The following FAM13C variants were observed in gnomAD, a reference collection of about 807,000 sequenced individuals.
The protein encoded by FAM13C is protein FAM13C.
A neutral mutation model predicts 73.2 loss-of-function variants in FAM13C; 37 were observed. The observed-to-expected ratio is 0.51, with a 90% CI of 0.39 to 0.67. FAM13C has a LOEUF of 0.67. Among genes scored for constraint, FAM13C ranks in the 30% least tolerant of loss-of-function variants. The pLI is 0.00. For synonymous variants in FAM13C, 246 were observed against 260.9 expected (o/e 0.94, Z 0.55); for missense variants, 589 against 715.6 (o/e 0.82, Z 2.02).
intron 10 of FAM13C, among the ~76,000 whole-genome samples, chr10:59,259,599 T>A (rs182969036): frequency 5.9e-5 from 9 of 152,300 alleles, no homozygotes; most frequent in Admixed American, 2.0e-4. Context: ...GCTTTATGTA[T>A]TTACATTTTC....
intron 3 of FAM13C, among the ~76,000 whole-genome samples, chr10:59,351,331 C>CAAAAAAAAAAAA (rs10666673): frequency 7.4e-6 from 1 of 134,302 alleles, no homozygotes; most frequent in Non-Finnish European, 1.6e-5. Flanking sequence ...GACCCTGTCT[C>CAAAAAAAAAAAA]AAAAAAAAAA....
chr10:59,307,558 G>A (rs960397026), intron 4 of FAM13C, among the ~76,000 whole-genome samples: 4 of 152,140 alleles, frequency 2.6e-5, no homozygotes, highest in Non-Finnish European at 5.9e-5. Context: ...CATCCATTCA[G>A]TCAACAAATA....
chr10:59,360,567 A>G lies in FAM13C; in HGVS notation c.62+1832T>C, dbSNP rs570932408. Reference sequence around the variant, plus strand: ...CCCAGAGAAGCACGGGATATGGGTCATATTACTGAGGTGAGGGGAAAATGT... The same window carrying G: ...CCCAGAGAAGCACGGGATATGGGTCGTATTACTGAGGTGAGGGGAAAATGT... On this transcript the variant is annotated intron_variant, in intron 1 of 13. Coordinates refer to ENST00000618804, the MANE Select transcript of FAM13C (RefSeq NM_198215.4). 3.2e-4 allele frequency among the ~76,000 whole-genome samples: 48 copies of G among 152,306 alleles called. 1 individual carries two copies. In the South Asian group the frequency reaches 9.3e-3, roughly 30 times the overall value.
At chr10:59,315,348 T>C (rs1443456002) in intron 4 of FAM13C, among the ~76,000 whole-genome samples, 1 of 152,212 alleles carries the variant, frequency 6.6e-6, no homozygotes, top group Non-Finnish European at 1.5e-5. Flanking sequence ...GATACTGTTA[T>C]GTAACTGCTT....
At chr10:59,298,972 T>C (rs1461006568) in intron 5 of FAM13C, among the ~76,000 whole-genome samples, 3 of 151,786 alleles carry the variant, frequency 2.0e-5, no homozygotes, top group African/African-American at 7.3e-5. Context: ...AGGAAGGAGG[T>C]GGACAGGGAA....
chr10:59,289,500 C>T (rs1394651518), intron 5 of FAM13C, among the ~76,000 whole-genome samples: 1 of 152,232 alleles, frequency 6.6e-6, no homozygotes, highest in African/African-American at 2.4e-5. Flanking sequence ...ACACATCCAG[C>T]TCCACATGGA....
intron 3 of FAM13C, among the ~76,000 whole-genome samples, chr10:59,340,519 C>A (rs751400): frequency 6.6e-6 from 1 of 151,832 alleles, no homozygotes; most frequent in South Asian, 2.1e-4. Flanking sequence ...GACTCTAACA[C>A]CCAGACCCTT....
At chr10:59,349,735 C>G (rs1367531602) in intron 3 of FAM13C, among the ~76,000 whole-genome samples, 1 of 152,060 alleles carries the variant, frequency 6.6e-6, no homozygotes, top group Non-Finnish European at 1.5e-5. Flanking sequence ...TGTACTCCAG[C>G]CTGGGTGACA....
chr10:59,249,103 G>A (rs1841044913), intron 13 of FAM13C, among the ~76,000 whole-genome samples: 1 of 152,002 alleles, frequency 6.6e-6, no homozygotes, highest in Admixed American at 6.6e-5. Context: ...ATTCCATTTT[G>A]GCTAATAAGA....
chr10:59,269,160 T>C (rs1358599003), intron 7 of FAM13C, among the ~76,000 whole-genome samples: 3 of 152,114 alleles, frequency 2.0e-5, no homozygotes, highest in African/African-American at 7.2e-5. Flanking sequence ...ACACTTTACA[T>C]GCAATGCCAA....
rs150322877 is a variant in FAM13C, at chr10:59,336,183, GGACTCTTCTGCCACCCTAATGCA to G, written c.325-12100_325-12078del. Among the ~76,000 whole-genome samples, 1,003 of 152,212 alleles carry G rather than the reference GGACTCTTCTGCCACCCTAATGCA, an allele frequency of 6.6e-3. 5 individuals carry two copies. The highest frequency in any genetic ancestry group is 9.5e-3 in the Non-Finnish European group (643 of 68,012). On this transcript the variant is annotated intron_variant, in intron 3 of 13. Coordinates refer to ENST00000618804, the MANE Select transcript of FAM13C (RefSeq NM_198215.4). ...ATTGTGCTCAAAAATAATCCAACATGGACTCTTCTGCCACCCTAATGCAGACTCTTCTGCATTCTAAATCTTCA... is the reference window on the plus strand; with the variant it reads ...ATTGTGCTCAAAAATAATCCAACATGGACTCTTCTGCATTCTAAATCTTCA...
intron 4 of FAM13C, among the ~76,000 whole-genome samples, chr10:59,321,374 T>C (rs1361681940): frequency 6.7e-6 from 1 of 148,680 alleles, no homozygotes; most frequent in Admixed American, 6.8e-5. Flanking sequence ...GGAAAAGGTA[T>C]GGAAATGGAT....
At chr10:59,260,036 C>T (rs1300988488) in intron 10 of FAM13C, among the ~76,000 whole-genome samples, 2 of 152,062 alleles carry the variant, frequency 1.3e-5, no homozygotes, top group Non-Finnish European at 2.9e-5. Flanking sequence ...CTAGTTTTCT[C>T]TGTATCAGTA....
rs1222327680 is a variant in FAM13C at position 59,262,479 on chromosome 10, G to C, written c.1191C>G (p.Cys397Trp). 9 of 1,613,558 alleles carry C rather than the reference G, an allele frequency of 5.6e-6. No individual in the cohort carries two copies. Among genetic ancestry groups the C allele is most frequent in the African/African-American group, 2.7e-5 (2 of 74,862 alleles). Residue 397 changes from cysteine (C) to tryptophan (W), a missense_variant, in exon 10 of 14, where the codon TGC (cysteine) becomes TGG (tryptophan). Cys to Trp is a radical substitution (Grantham distance 215). Transcript: ENST00000618804. ...GAAGTTGCTCTCTTCTCTCCTTCAG[G>C]CATGTCAAGGCAGCATCTGGAGTCT... Reference protein sequence around the residue: ...GEETPDAALTCLKERREQLPP... With the variant: ...GEETPDAALTWLKERREQLPP...
rs374967531 is a variant in FAM13C, at chr10:59,295,260, C to T, written c.507+7541G>A. On this transcript the variant is annotated intron_variant, in intron 5 of 13. Coordinates refer to ENST00000618804, the MANE Select transcript of FAM13C (RefSeq NM_198215.4). ...GCTTTAACTTAGCTGACCAAAGATA[C>T]AGATTACTTGGCTGAGCCTGGACCA... Among the ~76,000 whole-genome samples, 10 of 152,346 alleles carry T rather than the reference C, an allele frequency of 6.6e-5. No individual in the cohort carries two copies. In the East Asian group the frequency reaches 1.7e-3, roughly 26 times the overall value.
At chr10:59,267,115 G>A (rs1843154857) in intron 8 of FAM13C, among the ~76,000 whole-genome samples, 1 of 152,138 alleles carries the variant, frequency 6.6e-6, no homozygotes, top group Non-Finnish European at 1.5e-5. Context: ...ATCCAAAATA[G>A]TCTGACTCAA....
rs377657760 is a variant in FAM13C, at chr10:59,268,594, G to A, written c.901C>T (p.Arg301Trp). The A allele has an allele frequency of 5.1e-5, 83 of 1,613,596 alleles. No individual in the cohort carries two copies. The highest frequency in any genetic ancestry group is 2.2e-4 in the Admixed American group (13 of 59,976). ...KHIQSLKRKI[R>W]KFEEKFEQEK... ...TGTTCAAATTTTTCTTCAAATTTCC[G>A]AATTTTCCGCTTGAGGCTCTGGATG... is the stretch of plus-strand genomic sequence containing the variant. The change falls in exon 8 of 14, where the codon CGG (arginine) becomes TGG (tryptophan). Residue 301 changes from arginine (R) to tryptophan (W), a missense_variant. Arg to Trp is a moderately radical substitution (Grantham distance 101, BLOSUM62 -3). Transcript: ENST00000618804.
At chr10:59,293,218 C>T (rs547728518) in intron 5 of FAM13C, among the ~76,000 whole-genome samples, 8 of 151,198 alleles carry the variant, frequency 5.3e-5, no homozygotes, top group East Asian at 2.0e-4. Flanking sequence ...GGACTACAGG[C>T]GCCCACCACC....
At chr10:59,304,105 G>A (rs140365877) in intron 4 of FAM13C, among the ~76,000 whole-genome samples, 1,558 of 152,220 alleles carry the variant, frequency 0.01, 12 homozygotes, top group Admixed American at 0.02. Context: ...CTGAGATTGC[G>A]TCACTGCACT....
Sources: allele counts gnomAD v4.1 joint callset (sites outside exome capture counted in the v4.1 genomes callset), GRCh38; gene constraint gnomAD v4.1.1; transcripts MANE v1.5; gene names NCBI Gene and HGNC (gene_info 2026-07-23, HGNC 2026-07-21).